Variants in KIAA1549L observed in about 807,000 individuals in gnomAD.
The protein encoded by KIAA1549L is UPF0606 protein KIAA1549L.
Under a neutral mutation model 160.7 loss-of-function variants are expected in KIAA1549L, and 88 were observed. The observed-to-expected ratio is 0.55, with a 90% CI of 0.46 to 0.65. The LOEUF is 0.65. KIAA1549L is among the 30% of genes least tolerant of loss of function. The pLI is 0.00. For missense variants in KIAA1549L, 2,258 were observed against 2,437.5 expected (o/e 0.93, Z 1.55); for synonymous variants, 950 against 976.7 (o/e 0.97, Z 0.51).
chr11:33,650,883 G>T (rs1350320216), intron 17 of KIAA1549L, among the ~76,000 whole-genome samples: 1 of 152,148 alleles, frequency 6.6e-6, no homozygotes, highest in Admixed American at 6.5e-5. Flanking sequence ...TTGTGCTGTT[G>T]CTGATTCCTG....
intron 9 of KIAA1549L, among the ~76,000 whole-genome samples, chr11:33,570,992 A>C (rs1590354536): frequency 6.6e-6 from 1 of 152,150 alleles, no homozygotes; most frequent in African/African-American, 2.4e-5. Flanking sequence ...TGACTCCTAG[A>C]AATTCATCTC....
intron 19 of KIAA1549L, 99 bp from the exon 20 acceptor site, chr11:33,660,764 G>C (rs928824298): frequency 8.4e-6 from 10 of 1,186,258 alleles, no homozygotes; most frequent in Non-Finnish European, 1.1e-5. Context: ...CCAGCAGCCA[G>C]CCAGGGAGCC....
chr11:33,435,798 A>ATATATGTGTGTGTGTGTGTG (rs1565135872), intron 1 of KIAA1549L, among the ~76,000 whole-genome samples: 1 of 7,624 alleles, frequency 1.3e-4, no homozygotes, highest in Admixed American at 2.1e-3. Context: ...ATATATATAT[A>ATATATGTGTGTGTGTGTGTG]TATATATATA....
chr11:33,491,750 A>G (rs150336359), intron 1 of KIAA1549L, among the ~76,000 whole-genome samples: 15 of 152,328 alleles, frequency 9.8e-5, no homozygotes, highest in African/African-American at 3.6e-4. Context: ...TTGTAAAGGC[A>G]TCCCTGACCA....
intron 1 of KIAA1549L, among the ~76,000 whole-genome samples, chr11:33,498,476 G>A (rs1852870619): frequency 6.6e-6 from 1 of 152,148 alleles, no homozygotes; most frequent in African/African-American, 2.4e-5. Context: ...GTCTGGGATG[G>A]CTTAAACAGT....
intron 16 of KIAA1549L, among the ~76,000 whole-genome samples, chr11:33,619,391 A>G (rs1032529165): frequency 1.3e-5 from 2 of 152,200 alleles, no homozygotes; most frequent in Non-Finnish European, 2.9e-5. Flanking sequence ...ATTCCCCTAA[A>G]ATGTTTCTCT....
chr11:33,485,353 A>G (rs1852500208), intron 1 of KIAA1549L, among the ~76,000 whole-genome samples: 1 of 152,184 alleles, frequency 6.6e-6, no homozygotes, highest in African/African-American at 2.4e-5. Flanking sequence ...CTTCTACAAA[A>G]TTTATCTTTT....
At chr11:33,587,346 T>C (rs1849913608) in intron 11 of KIAA1549L, among the ~76,000 whole-genome samples, 1 of 152,202 alleles carries the variant, frequency 6.6e-6, no homozygotes, top group African/African-American at 2.4e-5. Context: ...GGGCAGTTGA[T>C]TAATCTCAGG....
At position 33,542,271 on chromosome 11, in the gene KIAA1549L, G is replaced by T. The variant is rs1398709291; in HGVS notation, c.708G>T (p.Arg236Ser). ...GTSSISKHPP[R>S]SDIPPLLPLP... Reference sequence around the variant, plus strand: ...CCTCCATTTCAAAGCATCCCCCAAGGTCAGACATTCCCCCACTCCTCCCTC... The same window carrying T: ...CCTCCATTTCAAAGCATCCCCCAAGTTCAGACATTCCCCCACTCCTCCCTC... The change falls in exon 2 of 21, where the codon AGG becomes AGT. Residue 236 changes from arginine (R) to serine (S), a missense_variant. This residue lies in a region of KIAA1549L where 540 missense variants were observed against 465.7 expected (regional missense o/e 1.16). Coordinates refer to ENST00000658780, the MANE Select transcript of KIAA1549L (RefSeq NM_012194.3). 7.7e-6 allele frequency: 5 copies of T among 651,894 alleles called. No homozygotes were observed. The highest frequency in any genetic ancestry group is 1.4e-5 in the Non-Finnish European group (5 of 356,924). 40.4% of individuals were successfully genotyped at this position (651,894 alleles called of 1,614,324 possible). A position where few individuals can be genotyped will look rare whatever the true frequency, so the allele number is the denominator to read the frequency against.
At position 33,552,205 on chromosome 11, in the gene KIAA1549L, G is replaced by C. The variant is rs754349048; in HGVS notation, c.3819G>C (p.Arg1273Ser). The C allele has an allele frequency of 1.9e-6, 3 of 1,607,076 alleles. No homozygotes were observed. Among genetic ancestry groups the C allele is most frequent in the South Asian group, 2.2e-5 (2 of 89,396 alleles). ...AGAAGGCATTCCAGGATGCCGAGAG[G>C]AAAGTCCTGAATACCAAAAGCAACT... ...RLQKAFQDAERKVLNTKSNLT... is the reference protein window; with the variant it reads ...RLQKAFQDAESKVLNTKSNLT... The change falls in exon 6 of 21, where the codon AGG (arginine) becomes AGC (serine). Residue 1273 changes from arginine to serine, a missense_variant. Arg to Ser is a moderately radical substitution (Grantham distance 110). Around this residue, in one of 6 missense-constraint regions of KIAA1549L, gnomAD observed 1,359 missense variants for 1,546.6 expected, o/e 0.88. Coordinates refer to ENST00000658780, the MANE Select transcript of KIAA1549L (RefSeq NM_012194.3).
At chr11:33,433,164 A>G (rs1037611794) in intron 1 of KIAA1549L, among the ~76,000 whole-genome samples, 1 of 152,208 alleles carries the variant, frequency 6.6e-6, no homozygotes, top group Non-Finnish European at 1.5e-5. Flanking sequence ...CCTACAGAAT[A>G]GGATAAAATT....
At chr11:33,505,467 C>A (rs1590295376) in intron 1 of KIAA1549L, among the ~76,000 whole-genome samples, 1 of 152,170 alleles carries the variant, frequency 6.6e-6, no homozygotes, top group East Asian at 1.9e-4. Flanking sequence ...CACATGATGC[C>A]CCCGTGCTTG....
chr11:33,614,574 A>C (rs1404979570), intron 15 of KIAA1549L, among the ~76,000 whole-genome samples: 1 of 13,788 alleles, frequency 7.3e-5, no homozygotes, highest in East Asian at 1.8e-3. Context: ...ATATATATAT[A>C]TATATATATA....
Position 33,543,112 on chromosome 11 carries a change from C to G in KIAA1549L, c.1549C>G (p.Pro517Ala), listed in dbSNP as rs775858470. The G allele has an allele frequency of 6.2e-7, 1 of 1,613,904 alleles. No homozygotes were observed. The highest frequency in any genetic ancestry group is 8.5e-7 in the Non-Finnish European group (1 of 1,179,884). ...CCAGCCCACAGAGAATCATGCCTCC[C>G]CATCTCCTGTGCCAGAAATGCCCAC... ...FLQPTENHAS[P>A]SPVPEMPTLP... Residue 517 changes from proline to alanine, a missense_variant, in exon 2 of 21, where the codon CCA (proline) becomes GCA (alanine). Pro to Ala is a conservative substitution (Grantham distance 27). Around this residue, in one of 6 missense-constraint regions of KIAA1549L, gnomAD observed 540 missense variants for 465.7 expected, o/e 1.16. Transcript: ENST00000658780.
Position 33,543,312 on chromosome 11 carries a change from C to T in KIAA1549L, c.1749C>T (p.Ala583=). 6.2e-7 allele frequency: 1 copy of T among 1,614,044 alleles called. No individual in the cohort carries two copies. Among genetic ancestry groups the T allele is most frequent in the Non-Finnish European group, 8.5e-7 (1 of 1,179,898 alleles). The part of the protein sequence containing the change: ...EEANVTIPLQ[A]FPRKEVLSLH... ...CAAATGTGACGATTCCTCTCCAGGC[C>T]TTTCCAAGGAAAGAGGTTTTGAGTC... is the stretch of plus-strand genomic sequence containing the variant. Residue 583 remains alanine, a synonymous_variant, in exon 2 of 21, where the codon GCC becomes GCT. Coordinates refer to ENST00000658780, the MANE Select transcript of KIAA1549L (RefSeq NM_012194.3).
In KIAA1549L at chr11:33,606,595, C is replaced by T. The variant is rs16924475; in HGVS notation, c.4880-46C>T. 6.4e-3 allele frequency: 10,138 copies of T among 1,579,778 alleles called. 550 individuals carry two copies. The African/African-American group carries it at 0.12, about 18-fold the overall frequency. On this transcript the variant is annotated intron_variant, in intron 13 of 20. Coordinates refer to ENST00000658780, the MANE Select transcript of KIAA1549L (RefSeq NM_012194.3). The stretch of plus-strand genomic sequence containing the variant: ...TAACATAAATTCTCCTGGGATCACA[C>T]AGCTCCCCAACATCATAAAATCGAT...
At chr11:33,405,948 T>C (rs1336233030) in intron 1 of KIAA1549L, among the ~76,000 whole-genome samples, 2 of 151,810 alleles carry the variant, frequency 1.3e-5, no homozygotes, top group Non-Finnish European at 2.9e-5. Flanking sequence ...TCTATGTTAA[T>C]GGGCTTGTGG....
intron 8 of KIAA1549L, among the ~76,000 whole-genome samples, chr11:33,566,628 G>T (rs1410533049): frequency 1.3e-5 from 2 of 152,212 alleles, no homozygotes. Context: ...CAGAGACCTA[G>T]CTGTGACTTT....
At chr11:33,585,559 A>C (rs1259571172) in intron 11 of KIAA1549L, among the ~76,000 whole-genome samples, 1 of 152,176 alleles carries the variant, frequency 6.6e-6, no homozygotes, top group Non-Finnish European at 1.5e-5. Flanking sequence ...TGTGTATTTC[A>C]TCTTCATCTC....
Sources: gnomAD v4.1 joint callset for allele counts (sites outside exome capture counted in the v4.1 genomes callset) on GRCh38, gnomAD v4.1.1 for gene constraint, gnomAD v4.1.1 regional missense constraint, MANE v1.5 for transcripts, NCBI Gene and HGNC (gene_info 2026-07-23, HGNC 2026-07-21) for gene names.